Variants in ADAMTS19 observed in about 807,000 individuals in gnomAD.
ADAMTS19 encodes the protein A disintegrin and metalloproteinase with thrombospondin motifs 19.
A neutral mutation model predicts 153.3 loss-of-function variants in ADAMTS19; 93 were observed. That is an observed-to-expected ratio of 0.61 (90% CI 0.51 to 0.72). The LOEUF is 0.72. Among genes scored for constraint, ADAMTS19 ranks in the 30% least tolerant of loss-of-function variants. The probability of loss-of-function intolerance (pLI) is 0.00; values close to 1 mark genes in which losing one functional copy is unlikely to be tolerated. For missense variants in ADAMTS19, 1,482 were observed against 1,552.1 expected (o/e 0.95, Z 0.76); for synonymous variants, 600 against 556.6 (o/e 1.08, Z -1.10).
At chr5:129,686,543 A>G (rs1314402183) in intron 18 of ADAMTS19, among the ~76,000 whole-genome samples, 2 of 152,090 alleles carry the variant, frequency 1.3e-5, no homozygotes, top group African/African-American at 2.4e-5. Flanking sequence ...TGGCAGCTGC[A>G]CCACGTCTAG....
At chr5:129,530,730 T>C (rs1428788548) in intron 6 of ADAMTS19, among the ~76,000 whole-genome samples, 1 of 151,950 alleles carries the variant, frequency 6.6e-6, no homozygotes, top group Non-Finnish European at 1.5e-5. Context: ...CATTTTCTCC[T>C]TACAACTGAA....
At chr5:129,492,537 GTATATA>G (rs1417523398) in intron 2 of ADAMTS19, among the ~76,000 whole-genome samples, 1 of 151,380 alleles carries the variant, frequency 6.6e-6, no homozygotes, top group African/African-American at 2.4e-5. Flanking sequence ...GTGTGTATGT[GTATATA>G]TGTATGTATG....
In ADAMTS19 at chr5:129,738,408, C is replaced by T. The variant is rs1561680080; in HGVS notation, c.*1190C>T. 6.6e-6 allele frequency: 1 copy of T among 151,918 alleles called. No homozygotes were observed. The highest frequency in any genetic ancestry group is 1.5e-5 in the Non-Finnish European group (1 of 67,972). The allele number at this position is 151,918 out of a possible 1,614,324, so 9.4% of individuals were successfully genotyped here. A position where few individuals can be genotyped will look rare whatever the true frequency, so the allele number is the denominator to read the frequency against. ...AACAAAGGTACTGTCTACTTTTGTT[C>T]TGGAGTATCTTCTAGAGGATGTTTA... On this transcript the variant is annotated 3_prime_UTR_variant, in exon 23 of 23. Coordinates refer to ENST00000274487, the MANE Select transcript of ADAMTS19 (RefSeq NM_133638.6).
intron 6 of ADAMTS19, among the ~76,000 whole-genome samples, chr5:129,537,130 C>A (rs879708713): frequency 4.6e-5 from 7 of 151,994 alleles, no homozygotes; most frequent in Non-Finnish European, 1.0e-4. Context: ...TTAACAGACA[C>A]TTCTCAAAAG....
intron 2 of ADAMTS19, among the ~76,000 whole-genome samples, chr5:129,489,178 G>A (rs1490278830): frequency 6.6e-6 from 1 of 152,052 alleles, no homozygotes; most frequent in East Asian, 1.9e-4. Context: ...TTTGTAATTA[G>A]GGCTTTGGCA....
At chr5:129,571,819 A>G (rs369794423) in intron 7 of ADAMTS19, among the ~76,000 whole-genome samples, 2 of 151,980 alleles carry the variant, frequency 1.3e-5, no homozygotes, top group East Asian at 1.9e-4. Flanking sequence ...ACATAAATCA[A>G]TGGACCAAAA....
chr5:129,721,411 G>T (rs1047852110), intron 21 of ADAMTS19, among the ~76,000 whole-genome samples: 2 of 152,086 alleles, frequency 1.3e-5, no homozygotes, highest in African/African-American at 2.4e-5. Flanking sequence ...AAATGTATCA[G>T]ATTACACTTG....
intron 13 of ADAMTS19, among the ~76,000 whole-genome samples, chr5:129,649,682 A>C (rs895289464): frequency 5.9e-5 from 9 of 152,132 alleles, no homozygotes; most frequent in African/African-American, 1.9e-4. Flanking sequence ...AAATGTGATA[A>C]AATGGCGTAC....
At chr5:129,653,306 A>G (rs1753397467) in intron 13 of ADAMTS19, among the ~76,000 whole-genome samples, 2 of 152,202 alleles carry the variant, frequency 1.3e-5, no homozygotes, top group South Asian at 2.1e-4. Flanking sequence ...GTAGTAATGT[A>G]GCATGGAAAT....
At chr5:129,732,353 A>C (rs1323364404) in intron 21 of ADAMTS19, among the ~76,000 whole-genome samples, 2 of 152,058 alleles carry the variant, frequency 1.3e-5, no homozygotes, top group Non-Finnish European at 2.9e-5. Context: ...AAGAAATAAA[A>C]CATCCAAATT....
chr5:129,654,298 G>T lies in ADAMTS19; in HGVS notation c.2177-8G>T, dbSNP rs746081584. The T allele has an allele frequency of 4.4e-6, 7 of 1,602,010 alleles. No homozygotes were observed. In the African/African-American group the frequency reaches 8.1e-5, roughly 19 times the overall value. ...TTTCTCATTTCTTTTTATCTACTCT[G>T]TATGTAGAAAAACCATGTGCCTTGT... On this transcript the variant is annotated splice_region_variant and splice_polypyrimidine_tract_variant and intron_variant, in intron 13 of 22. Coordinates refer to ENST00000274487, the MANE Select transcript of ADAMTS19 (RefSeq NM_133638.6).
chr5:129,508,446 A>G lies in ADAMTS19; in HGVS notation c.748-631A>G, dbSNP rs1320804375. 3.9e-5 allele frequency among the ~76,000 whole-genome samples: 6 copies of G among 151,992 alleles called. No individual in the cohort carries two copies. The East Asian group carries it at 1.2e-3, about 29-fold the overall frequency. On this transcript the variant is annotated intron_variant, in intron 2 of 22. Coordinates refer to ENST00000274487, the MANE Select transcript of ADAMTS19 (RefSeq NM_133638.6). Reference sequence around the variant, plus strand: ...GTTATAAGTACTTTTTATTGATCATAACTGTATTATACAGTTTCAACCCTC... The same window carrying G: ...GTTATAAGTACTTTTTATTGATCATGACTGTATTATACAGTTTCAACCCTC...
At chr5:129,654,012 G>A (rs190832725) in intron 13 of ADAMTS19, among the ~76,000 whole-genome samples, 20 of 152,230 alleles carry the variant, frequency 1.3e-4, no homozygotes, top group African/African-American at 3.9e-4. Context: ...ATATTATTCA[G>A]GGAGGAGGTC....
intron 7 of ADAMTS19, among the ~76,000 whole-genome samples, chr5:129,580,535 T>C (rs1024690408): frequency 2.0e-5 from 3 of 152,150 alleles, no homozygotes; most frequent in Admixed American, 2.0e-4. Flanking sequence ...ATGCTTCCAG[T>C]TTTTGCCCAT....
intron 10 of ADAMTS19, among the ~76,000 whole-genome samples, chr5:129,641,617 G>A (rs1752788869): frequency 6.6e-6 from 1 of 151,762 alleles, no homozygotes; most frequent in African/African-American, 2.4e-5. Flanking sequence ...TTTATTTAAG[G>A]AAGTTTTAAA....
intron 18 of ADAMTS19, among the ~76,000 whole-genome samples, chr5:129,693,434 A>T (rs1050648687): frequency 1.3e-5 from 2 of 152,128 alleles, no homozygotes; most frequent in African/African-American, 2.4e-5. Flanking sequence ...ATAGTACCCT[A>T]ACTAATGGGC....
In ADAMTS19 at chr5:129,461,043, T is replaced by C; in HGVS notation, c.92-59T>C. 2 of 1,291,106 alleles carry C rather than the reference T, an allele frequency of 1.5e-6. No homozygotes were observed. The highest frequency in any genetic ancestry group is 6.1e-4 in the Middle Eastern group (2 of 3,292). 80.0% of individuals were successfully genotyped at this position (1,291,106 alleles called of 1,614,324 possible). ...TCTATGGACTGTGAGCTTGGAAATGTTTGTGCTACTGGAACCGCGGCACTT... is the reference window on the plus strand; with the variant it reads ...TCTATGGACTGTGAGCTTGGAAATGCTTGTGCTACTGGAACCGCGGCACTT... On this transcript the variant is annotated intron_variant, in intron 1 of 22. Coordinates refer to ENST00000274487, the MANE Select transcript of ADAMTS19 (RefSeq NM_133638.6). This position sits in a 1 kb window ranked among gnomAD's most constrained non-coding sequence, Gnocchi z 4.6.
chr5:129,543,048 G>GTTT (rs745799730), intron 6 of ADAMTS19, among the ~76,000 whole-genome samples: 6 of 140,346 alleles, frequency 4.3e-5, no homozygotes, highest in Admixed American at 7.2e-5. Flanking sequence ...TTGTTGTTTT[G>GTTT]TTTTTTTTTT....
intron 21 of ADAMTS19, among the ~76,000 whole-genome samples, chr5:129,724,690 G>A (rs536261466): frequency 2.6e-4 from 39 of 152,258 alleles, no homozygotes; most frequent in African/African-American, 8.9e-4. Flanking sequence ...GAAGGACTCC[G>A]GAGTGTGTCT....
Sources: gnomAD v4.1 joint callset for allele counts (sites outside exome capture counted in the v4.1 genomes callset) on GRCh38, gnomAD v4.1.1 for gene constraint, Gnocchi (gnomAD v3.1) non-coding constraint, MANE v1.5 for transcripts, NCBI Gene and HGNC (gene_info 2026-07-23, HGNC 2026-07-21) for gene names.